SOD2: variants seen among roughly 807,000 people sequenced by gnomAD.
The protein encoded by SOD2 is superoxide dismutase [Mn], mitochondrial.
SOD2 carries 11 observed loss-of-function variants against 27.0 expected under a neutral mutation model. The ratio of observed to expected loss-of-function variants is 0.41; its 90% CI spans 0.26 to 0.67. The LOEUF (loss-of-function observed/expected upper bound fraction) is 0.67. Among genes scored for constraint, SOD2 ranks in the 30% least tolerant of loss-of-function variants. SOD2 has a pLI of 0.34. For missense variants in SOD2, 250 were observed against 274.5 expected, an observed-to-expected ratio of 0.91 and a Z score of 0.63; for synonymous variants, 105 against 103.0, an observed-to-expected ratio of 1.02 and a Z score of -0.12.
chr6:159,759,116 A>G (rs532886931), intron 1 of SOD2, among the ~76,000 whole-genome samples: 8 of 150,420 alleles, frequency 5.3e-5, no homozygotes, highest in Non-Finnish European at 1.2e-4. Context: ...CTGGAGTACA[A>G]TGGTGCAATC....
At chr6:159,755,765 CTTTTTTTTTTTTTTTTT>C in intron 1 of SOD2, 9 of 173,380 alleles carry the variant, frequency 5.2e-5, no homozygotes, top group African/African-American at 4.4e-4. Context: ...TTTTTCTTTT[CTTTTTTTTTTTTTTTTT>C]TTTTTTTTGC....
At chr6:159,710,170 G>A (rs754863990) in intron 1 of SOD2, among the ~76,000 whole-genome samples, 22 of 151,344 alleles carry the variant, frequency 1.5e-4, no homozygotes, top group African/African-American at 4.6e-4. Context: ...TGTAAATGTC[G>A]AGTTAATGGG....
intron 1 of SOD2, among the ~76,000 whole-genome samples, chr6:159,702,973 G>A (rs1332090984): frequency 6.6e-6 from 1 of 151,304 alleles, no homozygotes; most frequent in Non-Finnish European, 1.5e-5. Flanking sequence ...AGCTCTGATT[G>A]CACCACTGCA....
At chr6:159,720,192 G>A (rs1167022882) in intron 1 of SOD2, among the ~76,000 whole-genome samples, 2 of 151,328 alleles carry the variant, frequency 1.3e-5, no homozygotes, top group African/African-American at 4.9e-5. Flanking sequence ...CACCACGCCC[G>A]GCTAATTTTT....
At chr6:159,690,108 AC>A (rs1324935821) in intron 2 of SOD2, among the ~76,000 whole-genome samples, 2 of 148,380 alleles carry the variant, frequency 1.3e-5, no homozygotes, top group East Asian at 4.0e-4. Context: ...ACATGGAAAA[AC>A]CCTGTCTCTA....
At chr6:159,702,756 G>A (rs1777548059) in intron 1 of SOD2, among the ~76,000 whole-genome samples, 1 of 148,682 alleles carries the variant, frequency 6.7e-6, no homozygotes, top group Non-Finnish European at 1.5e-5. Flanking sequence ...AGGCTGAGGT[G>A]GGAGGATCAC....
upstream of SOD2, among the ~76,000 whole-genome samples, chr6:159,731,179 A>G (rs996526111): frequency 6.6e-6 from 1 of 151,372 alleles, no homozygotes; most frequent in Non-Finnish European, 1.5e-5. Context: ...CAATAATTGC[A>G]GGCTGGGCAT....
intron 1 of SOD2, among the ~76,000 whole-genome samples, chr6:159,704,774 G>C (rs1027906937): frequency 6.6e-6 from 1 of 152,208 alleles, no homozygotes; most frequent in Non-Finnish European, 1.5e-5. Context: ...TTTGAAGAGA[G>C]CAGTGGTTCT....
intron 1 of SOD2, chr6:159,755,680 C>CAT: frequency 7.5e-7 from 1 of 1,341,184 alleles, no homozygotes; most frequent in Non-Finnish European, 9.5e-7. Context: ...AAAATTAATG[C>CAT]ATACTTTTGT....
At chr6:159,748,836 C>T, upstream of SOD2, 1 of 1,223,382 alleles carries the variant, frequency 8.2e-7, no homozygotes, top group Non-Finnish European at 1.0e-6. The surrounding 1 kb of genome is among the most constrained non-coding windows in gnomAD (Gnocchi z 5.6). Context: ...CGCTCTTAAC[C>T]TTGAGCATAG....
In SOD2 at chr6:159,686,083, A is replaced by G. The variant is rs575228554; in HGVS notation, c.344-1050T>C. Reference sequence around the variant, plus strand: ...ACGACTGAACTAAGGGTATACTTTAAGAGCTGTAATCCTTTTATTCTGTAG... The same window carrying G: ...ACGACTGAACTAAGGGTATACTTTAGGAGCTGTAATCCTTTTATTCTGTAG... On this transcript the variant is annotated intron_variant, in intron 3 of 4. Coordinates refer to ENST00000538183, the MANE Select transcript of SOD2 (RefSeq NM_000636.4). Among the ~76,000 whole-genome samples, 7 of 152,290 alleles carry G rather than the reference A, an allele frequency of 4.6e-5. No homozygotes were observed. In the East Asian group the frequency reaches 1.4e-3, roughly 29 times the overall value.
rs71191611 is a variant in SOD2 at position 159,712,513 on chromosome 6, T to C, written c.-116+14616A>G. Among the ~76,000 whole-genome samples the C allele has an allele frequency of 1.6e-3, 171 of 109,468 alleles. 5 individuals are homozygous for C. Among genetic ancestry groups the C allele is most frequent in the Middle Eastern group, 6.3e-3 (1 of 160 alleles). 71.8% of individuals were successfully genotyped at this position (109,468 alleles called of 152,430 possible). A position where few individuals can be genotyped will look rare whatever the true frequency, so the allele number is the denominator to read the frequency against. On this transcript the variant is annotated intron_variant, in intron 1 of 2. Transcript: ENST00000401980. ...GCTCTGACCTCCATAACCACCTCCA[T>C]AACCACCACTCACACTGCTCTGATC... is the stretch of plus-strand genomic sequence containing the variant.
At position 159,682,529 on chromosome 6, in the gene SOD2, C is replaced by A. The variant is rs1780005831; in HGVS notation, c.633G>T (p.Glu211Asp). 2 of 1,613,852 alleles carry A rather than the reference C, an allele frequency of 1.2e-6. No homozygotes were observed. Among genetic ancestry groups the A allele is most frequent in the Non-Finnish European group, 1.7e-6 (2 of 1,179,906 alleles). ...AAGCCATGTATCTTTCAGTTACATT[C>A]TCCCAGTTGATTACATTCCAAATAG... ...LKAIWNVINW[E>D]NVTERYMACK... Residue 211 changes from glutamate to aspartate, a missense_variant, in exon 5 of 5, where the codon GAG becomes GAT. Physicochemically the swap from Glu to Asp is conservative, Grantham distance 45. Coordinates refer to ENST00000538183, the MANE Select transcript of SOD2 (RefSeq NM_000636.4).
intron 1 of SOD2, chr6:159,753,592 G>C (rs775364275): frequency 6.2e-7 from 1 of 1,613,488 alleles, no homozygotes; most frequent in Non-Finnish European, 8.5e-7. Flanking sequence ...AATACAGTGA[G>C]GAGCTTAAAA....
upstream of SOD2, among the ~76,000 whole-genome samples, chr6:159,747,569 C>T (rs1779648160): frequency 6.6e-6 from 1 of 152,150 alleles, no homozygotes; most frequent in African/African-American, 2.4e-5. Context: ...GCTATAAGTA[C>T]TGTATATTTT....
chr6:159,687,569 A>C (rs989375026), intron 3 of SOD2, among the ~76,000 whole-genome samples: 1 of 152,176 alleles, frequency 6.6e-6, no homozygotes, highest in African/African-American at 2.4e-5. Flanking sequence ...AGTTGATGTG[A>C]TATTCTATGT....
chr6:159,693,217 T>C lies in SOD2; in HGVS notation c.-50A>G. The C allele has an allele frequency of 6.7e-7, 1 of 1,494,064 alleles. No homozygotes were observed. Among genetic ancestry groups the C allele is most frequent in the Non-Finnish European group, 9.0e-7 (1 of 1,113,276 alleles). 92.6% of individuals were successfully genotyped at this position (1,494,064 alleles called of 1,614,324 possible). ...GATGCCGCCGATCTGCTGAAGCCGC[T>C]GCCGAAGCCACCACAGCCACGAGTG... On this transcript the variant is annotated 5_prime_UTR_variant, in exon 1 of 5. Coordinates refer to ENST00000538183, the MANE Select transcript of SOD2 (RefSeq NM_000636.4).
In SOD2 at chr6:159,677,763, TGTGA is replaced by T. The variant is rs933617394; in HGVS notation, c.*4726_*4729del. 6.6e-6 allele frequency: 1 copy of T among 152,160 alleles called. No individual in the cohort carries two copies. Among genetic ancestry groups the T allele is most frequent in the African/African-American group, 2.4e-5 (1 of 41,438 alleles). 9.4% of individuals were successfully genotyped at this position (152,160 alleles called of 1,614,324 possible). On this transcript the variant is annotated 3_prime_UTR_variant, in exon 5 of 5. Transcript: ENST00000538183. ...GCTTCTTAGTAGCTGGGATGATAGG[TGTGA>T]GTAACCACAACCAGCTATTATGAGA...
At chr6:159,758,930 T>C (rs1470056212) in intron 1 of SOD2, among the ~76,000 whole-genome samples, 1 of 152,154 alleles carries the variant, frequency 6.6e-6, no homozygotes. Context: ...ATAAACTGGC[T>C]CCATAGCACT....
Sources: gnomAD v4.1 joint callset for allele counts (sites outside exome capture counted in the v4.1 genomes callset) on GRCh38, gnomAD v4.1.1 for gene constraint, Gnocchi (gnomAD v3.1) non-coding constraint, MANE v1.5 for transcripts, NCBI Gene and HGNC (gene_info 2026-07-23, HGNC 2026-07-21) for gene names.